Variants in PDE11A observed in about 807,000 individuals in gnomAD.
PDE11A encodes the protein phosphodiesterase 11A, also known as dual 3',5'-cyclic-AMP and -GMP phosphodiesterase 11A.
Under a neutral mutation model 100.5 loss-of-function variants are expected in PDE11A, and 100 were observed. The observed-to-expected ratio is 1.00, with a 90% CI of 0.85 to 1.18. PDE11A has a LOEUF of 1.18. PDE11A is among the 50% of genes most tolerant of loss of function. The pLI is 0.00. For missense variants in PDE11A, 1,141 were observed against 1,152.6 expected (o/e 0.99, Z 0.15); for synonymous variants, 381 against 420.8 (o/e 0.91, Z 1.16).
At chr2:177,656,689 G>C (rs1470866970) in intron 19 of PDE11A, among the ~76,000 whole-genome samples, 1 of 152,236 alleles carries the variant, frequency 6.6e-6, no homozygotes, top group Non-Finnish European at 1.5e-5. Context: ...ATGGGGAAGA[G>C]ACAGAAAGAT....
chr2:178,053,855 G>C (rs1032849226), intron 1 of PDE11A, among the ~76,000 whole-genome samples: 1 of 152,008 alleles, frequency 6.6e-6, no homozygotes, highest in African/African-American at 2.4e-5. Context: ...GCTCAGGAAA[G>C]AAGAGAGGAC....
intron 2 of PDE11A, among the ~76,000 whole-genome samples, chr2:177,989,087 G>T (rs1383704066): frequency 6.6e-6 from 1 of 152,210 alleles, no homozygotes; most frequent in Non-Finnish European, 1.5e-5. Flanking sequence ...TTTTTGGTGA[G>T]ATGAGTCTGA....
intron 1 of PDE11A, among the ~76,000 whole-genome samples, chr2:178,056,138 T>C (rs2086897076): frequency 6.6e-6 from 1 of 152,132 alleles, no homozygotes; most frequent in Non-Finnish European, 1.5e-5. Context: ...ATTTTACAAA[T>C]CACTAAGCAA....
At chr2:177,955,476 T>A (rs922925336) in intron 2 of PDE11A, among the ~76,000 whole-genome samples, 26 of 152,148 alleles carry the variant, frequency 1.7e-4, no homozygotes, top group Non-Finnish European at 3.2e-4. Context: ...GGTATAGCAG[T>A]TAGGACCTGG....
chr2:177,836,554 A>C (rs1482798592), intron 6 of PDE11A, among the ~76,000 whole-genome samples: 1 of 152,226 alleles, frequency 6.6e-6, no homozygotes, highest in Non-Finnish European at 1.5e-5. Flanking sequence ...ATAAGGGAAT[A>C]AAAGCAGGCT....
At chr2:177,998,717 C>T (rs374822440) in intron 2 of PDE11A, 22 of 1,018,014 alleles carry the variant, frequency 2.2e-5, no homozygotes, top group Non-Finnish European at 1.7e-5. Context: ...CCACTCGCTC[C>T]GTGGTATCGG....
intron 2 of PDE11A, among the ~76,000 whole-genome samples, chr2:177,957,024 A>G (rs2085573080): frequency 6.6e-6 from 1 of 152,100 alleles, no homozygotes; most frequent in Admixed American, 6.6e-5. Flanking sequence ...CACATTGTGT[A>G]CGTGTACCCT....
intron 12 of PDE11A, among the ~76,000 whole-genome samples, chr2:177,720,641 T>C (rs535555367): frequency 6.6e-6 from 1 of 152,292 alleles, no homozygotes; most frequent in Non-Finnish European, 1.5e-5. Flanking sequence ...ATGTCTCCTT[T>C]ACCAGAGTAT....
intron 1 of PDE11A, chr2:178,018,445 G>T (rs1574345059): frequency 1.9e-6 from 1 of 514,862 alleles, no homozygotes; most frequent in East Asian, 5.5e-5. Flanking sequence ...GAAAGCTGTT[G>T]CCATGCTGTG....
At chr2:178,069,879 T>C (rs1488708768) in intron 1 of PDE11A, among the ~76,000 whole-genome samples, 2 of 151,984 alleles carry the variant, frequency 1.3e-5, no homozygotes, top group Non-Finnish European at 2.9e-5. Context: ...AGAAAATCAA[T>C]TGGGGATGAA....
chr2:177,844,728 G>T (rs976783258), intron 5 of PDE11A, among the ~76,000 whole-genome samples: 15 of 150,896 alleles, frequency 9.9e-5, no homozygotes, highest in African/African-American at 3.6e-4. Context: ...AGATTAGGGA[G>T]TGGTGATGAC....
intron 1 of PDE11A, among the ~76,000 whole-genome samples, chr2:178,066,124 GAGA>G (rs1374722930): frequency 2.0e-5 from 3 of 152,060 alleles, no homozygotes; most frequent in Non-Finnish European, 4.4e-5. Flanking sequence ...AGCAAAGATG[GAGA>G]AGAAGTAGTC....
At chr2:177,966,184 A>C (rs1278668792) in intron 2 of PDE11A, among the ~76,000 whole-genome samples, 3 of 152,122 alleles carry the variant, frequency 2.0e-5, no homozygotes, top group African/African-American at 7.2e-5. Flanking sequence ...TAGAAACGTT[A>C]TTGATTTTTG....
chr2:177,882,702 T>C (rs1342196205), intron 4 of PDE11A, among the ~76,000 whole-genome samples: 1 of 152,184 alleles, frequency 6.6e-6, no homozygotes, highest in African/African-American at 2.4e-5. Context: ...GGAGTGTACC[T>C]GCCAAGTGAA....
intron 2 of PDE11A, among the ~76,000 whole-genome samples, chr2:177,945,793 C>T (rs866415601): frequency 7.8e-3 from 1,166 of 149,542 alleles, no homozygotes; most frequent in African/African-American, 0.027. Flanking sequence ...GTCAGCCCCC[C>T]CGCCCGGCCA....
intron 10 of PDE11A, among the ~76,000 whole-genome samples, chr2:177,747,342 C>A (rs2081963619): frequency 1.3e-5 from 2 of 152,224 alleles, no homozygotes; most frequent in African/African-American, 2.4e-5. Flanking sequence ...GGGAAAGACC[C>A]TGTTCTGACC....
At chr2:177,708,737 C>T (rs138143652) in intron 13 of PDE11A, among the ~76,000 whole-genome samples, 157 of 152,352 alleles carry the variant, frequency 1.0e-3, no homozygotes, top group African/African-American at 3.5e-3. Context: ...ATCTCATCCA[C>T]TCATGCAGTT....
intron 2 of PDE11A, among the ~76,000 whole-genome samples, chr2:177,931,385 CA>C: frequency 1.3e-5 from 2 of 152,184 alleles, no homozygotes; most frequent in East Asian, 3.9e-4. Context: ...GTCGTGAGAA[CA>C]CTTAAAATCT....
chr2:177,722,837 TA>T (rs1553541654), intron 12 of PDE11A, among the ~76,000 whole-genome samples: 3 of 152,186 alleles, frequency 2.0e-5, no homozygotes, highest in Non-Finnish European at 4.4e-5. Context: ...CCATTTATTT[TA>T]AAGTAAATAT....
Sources: allele counts gnomAD v4.1 joint callset (sites outside exome capture counted in the v4.1 genomes callset), GRCh38; gene constraint gnomAD v4.1.1; transcripts MANE v1.5; gene names NCBI Gene and HGNC (gene_info 2026-07-23, HGNC 2026-07-21).